Variants in SSBP2 observed in about 807,000 individuals in gnomAD.
SSBP2 encodes single stranded DNA binding protein 2.
SSBP2 carries 17 observed loss-of-function variants against 61.8 expected under a neutral mutation model. That is an observed-to-expected ratio of 0.28 (90% confidence interval 0.19 to 0.41). SSBP2 has a LOEUF of 0.41. Ranked by LOEUF, SSBP2 falls within the 10% of genes least tolerant of loss-of-function variation. The pLI is 1.00. For missense variants in SSBP2, 310 were observed against 458.7 expected (o/e 0.68, Z 2.96); for synonymous variants, 139 against 141.3 (o/e 0.98, Z 0.12).
At chr5:81,681,019 G>A (rs1752340427) in intron 1 of SSBP2, among the ~76,000 whole-genome samples, 1 of 151,852 alleles carries the variant, frequency 6.6e-6, no homozygotes, top group Admixed American at 6.6e-5. Context: ...CCACATTTGG[G>A]GCCATAAAAC....
intron 11 of SSBP2, chr5:81,448,008 T>C (rs1468575165): frequency 6.6e-6 from 1 of 152,146 alleles, no homozygotes; most frequent in African/African-American, 2.4e-5. Flanking sequence ...GCTCACTGAT[T>C]TTCTTCTTAT....
intron 16 of SSBP2, among the ~76,000 whole-genome samples, chr5:81,422,381 T>A (rs913048506): frequency 6.6e-6 from 1 of 152,100 alleles, no homozygotes; most frequent in Non-Finnish European, 1.5e-5. Flanking sequence ...AGCTGGCACA[T>A]GTCTGGGCCA....
At chr5:81,488,772 C>T (rs116456682) in intron 6 of SSBP2, among the ~76,000 whole-genome samples, 2,446 of 139,412 alleles carry the variant, frequency 0.018, 67 homozygotes, top group African/African-American at 0.061. Context: ...TCTCACTGTT[C>T]AATTTTCACC....
chr5:81,516,100 G>A (rs936173798), intron 4 of SSBP2, among the ~76,000 whole-genome samples: 8 of 151,768 alleles, frequency 5.3e-5, no homozygotes, highest in African/African-American at 9.7e-5. Context: ...AAAAGGATGG[G>A]GAATAGAGAA....
At chr5:81,703,460 G>C (rs1310781504) in intron 1 of SSBP2, among the ~76,000 whole-genome samples, 1 of 151,970 alleles carries the variant, frequency 6.6e-6, no homozygotes, top group African/African-American at 2.4e-5. Context: ...TATCCAAGGA[G>C]GTCCAGAGGG....
intron 4 of SSBP2, among the ~76,000 whole-genome samples, chr5:81,598,233 A>T (rs1011033010): frequency 3.5e-4 from 54 of 152,222 alleles, no homozygotes; most frequent in African/African-American, 1.3e-3. Context: ...TTTTTCAAAA[A>T]GACATATTAC....
intron 2 of SSBP2, among the ~76,000 whole-genome samples, chr5:81,645,685 T>C (rs1749183026): frequency 6.6e-6 from 1 of 152,190 alleles, no homozygotes; most frequent in Non-Finnish European, 1.5e-5. Flanking sequence ...AGAAGATTCC[T>C]TAGCATTCTG....
chr5:81,529,965 A>G (rs531222261), intron 4 of SSBP2, among the ~76,000 whole-genome samples: 9 of 152,206 alleles, frequency 5.9e-5, no homozygotes, highest in African/African-American at 2.2e-4. Context: ...GAAGGCAGAG[A>G]AACCAGCATT....
chr5:81,583,084 C>T (rs950239394), intron 4 of SSBP2, among the ~76,000 whole-genome samples: 7 of 151,784 alleles, frequency 4.6e-5, no homozygotes, highest in African/African-American at 1.7e-4. Context: ...AAAAATTAGC[C>T]AGGCATGGTG....
intron 1 of SSBP2, among the ~76,000 whole-genome samples, chr5:81,699,170 G>C (rs1310443235): frequency 2.0e-5 from 3 of 152,204 alleles, no homozygotes; most frequent in African/African-American, 7.2e-5. Flanking sequence ...TCAGCAAGTA[G>C]TAATCCTTAG....
At position 81,513,555 on chromosome 5, in the gene SSBP2, C is replaced by T. The variant is rs527300060; in HGVS notation, c.372+73G>A. The T allele has an allele frequency of 1.5e-4, 135 of 930,370 alleles. No homozygotes were observed. The African/African-American group carries it at 2.1e-3, about 14-fold the overall frequency. The allele number at this position is 930,370 out of a possible 1,614,324, so 57.6% of individuals were successfully genotyped here. A position where few individuals can be genotyped will look rare whatever the true frequency, so the allele number is the denominator to read the frequency against. On this transcript the variant is annotated intron_variant, in intron 5 of 16. Transcript: ENST00000320672. ...TTAAAAATTAAAATAGCCTTATCTT[C>T]CTTCGTATCTTTAATAAAATCAAAC...
chr5:81,467,136 T>A, intron 8 of SSBP2, 71 bp from the exon 9 acceptor site: 3 of 944,898 alleles, frequency 3.2e-6, no homozygotes, highest in Non-Finnish European at 5.0e-6. Flanking sequence ...ATGATTTCCC[T>A]ACATAACTCC....
At chr5:81,538,617 C>G (rs141019069) in intron 4 of SSBP2, among the ~76,000 whole-genome samples, 1 of 152,338 alleles carries the variant, frequency 6.6e-6, no homozygotes, top group African/African-American at 2.4e-5. Flanking sequence ...AAGGCTGATT[C>G]TCTTGTTAGG....
chr5:81,736,383 A>G (rs995590553), intron 1 of SSBP2, among the ~76,000 whole-genome samples: 1 of 152,200 alleles, frequency 6.6e-6, no homozygotes, highest in Non-Finnish European at 1.5e-5. Flanking sequence ...ATGAATAATA[A>G]GTGAATTTAA....
chr5:81,488,045 AT>A (rs1473345301), intron 6 of SSBP2, among the ~76,000 whole-genome samples: 1 of 36,436 alleles, frequency 2.7e-5, no homozygotes, highest in African/African-American at 2.1e-4. Context: ...ATATATATAT[AT>A]ATATATATAT....
intron 4 of SSBP2, among the ~76,000 whole-genome samples, chr5:81,521,119 GA>G (rs1452817168): frequency 4.0e-5 from 6 of 151,356 alleles, no homozygotes; most frequent in South Asian, 2.1e-4. Context: ...TTTAAAATCA[GA>G]AAAAAAACTT....
chr5:81,673,325 GCTAA>G (rs1471439151), intron 1 of SSBP2, among the ~76,000 whole-genome samples: 26 of 152,220 alleles, frequency 1.7e-4, no homozygotes, highest in Admixed American at 8.5e-4. Context: ...AAACTAAGGA[GCTAA>G]CTAATATATT....
chr5:81,745,770 T>C (rs1025245464), intron 1 of SSBP2, among the ~76,000 whole-genome samples: 1 of 152,132 alleles, frequency 6.6e-6, no homozygotes, highest in African/African-American at 2.4e-5. Flanking sequence ...TGGTTGTGAT[T>C]TCTATGGAAG....
At chr5:81,686,854 CAAAA>C (rs57665340) in intron 1 of SSBP2, among the ~76,000 whole-genome samples, 103 of 91,032 alleles carry the variant, frequency 1.1e-3, no homozygotes, top group Non-Finnish European at 1.7e-3. Flanking sequence ...GACTTCATCT[CAAAA>C]AAAAAAAAAA....
Sources: gnomAD v4.1 joint callset for allele counts (sites outside exome capture counted in the v4.1 genomes callset) on GRCh38, gnomAD v4.1.1 for gene constraint, MANE v1.5 for transcripts, NCBI Gene and HGNC (gene_info 2026-07-23, HGNC 2026-07-21) for gene names.